FSTL4: variants seen among roughly 807,000 people sequenced by gnomAD.
FSTL4 encodes the protein follistatin-related protein 4.
FSTL4 carries 28 observed loss-of-function variants against 78.2 expected under a neutral mutation model. The observed-to-expected ratio is 0.36, with a 90% CI of 0.27 to 0.49. The LOEUF is 0.49. Among genes scored for constraint, FSTL4 ranks in the 20% least tolerant of loss-of-function variants. The probability of loss-of-function intolerance (pLI) is 0.98; values close to 1 mark genes in which losing one functional copy is unlikely to be tolerated. For synonymous variants in FSTL4, 422 were observed against 440.5 expected, an observed-to-expected ratio of 0.96 and a Z score of 0.53; for missense variants, 922 against 1,084.9, an observed-to-expected ratio of 0.85 and a Z score of 2.11.
chr5:133,350,503 C>A (rs1293137613), intron 4 of FSTL4, among the ~76,000 whole-genome samples: 2 of 152,208 alleles, frequency 1.3e-5, no homozygotes, highest in Non-Finnish European at 2.9e-5. Flanking sequence ...TCTCTTCCTT[C>A]TTAAGGTTTC....
chr5:133,391,668 G>T (rs935705911), intron 4 of FSTL4, among the ~76,000 whole-genome samples: 1 of 152,106 alleles, frequency 6.6e-6, no homozygotes, highest in Non-Finnish European at 1.5e-5. Flanking sequence ...TGGCCCCCTT[G>T]TGAGCCCCCA....
chr5:133,318,973 T>C (rs2126894899), intron 4 of FSTL4, among the ~76,000 whole-genome samples: 1 of 152,334 alleles, frequency 6.6e-6, no homozygotes, highest in Non-Finnish European at 1.5e-5. Context: ...AACCCATTTC[T>C]CAAGTCTGTA....
intron 6 of FSTL4, among the ~76,000 whole-genome samples, chr5:133,290,787 C>T (rs573472276): frequency 6.6e-6 from 1 of 152,348 alleles, no homozygotes; most frequent in East Asian, 1.9e-4. Context: ...AGACAGGGGC[C>T]CATGGCTCCA....
intron 4 of FSTL4, among the ~76,000 whole-genome samples, chr5:133,352,285 CAT>C (rs1197672979): frequency 8.4e-5 from 9 of 107,016 alleles, no homozygotes; most frequent in Admixed American, 8.0e-4. Flanking sequence ...TATATACACA[CAT>C]ATATATACAC....
At chr5:133,567,477 C>A (rs1356805649) in intron 2 of FSTL4, among the ~76,000 whole-genome samples, 2 of 152,216 alleles carry the variant, frequency 1.3e-5, no homozygotes, top group Admixed American at 6.5e-5. Flanking sequence ...ATTCTCAGGG[C>A]CTTCCTTATT....
rs779770295 is a variant in FSTL4, at chr5:133,199,255, C to A, written c.2369G>T (p.Gly790Val). ...PPAGPAQPWG[G>V]THRIMRDSGL... is the part of the protein sequence containing the mutation. ...ACTGTCCCTCATGATTCTGTGGGTA[C>A]CCCCCCAGGGCTGAGCTGGCCCTGC... is the stretch of plus-strand genomic sequence containing the variant. The change falls in exon 16 of 16, where the codon GGT becomes GTT. Residue 790 changes from glycine to valine, a missense_variant. Coordinates refer to ENST00000265342, the MANE Select transcript of FSTL4 (RefSeq NM_015082.2). The surrounding 1 kb of genome is among the most constrained non-coding windows in gnomAD (Gnocchi z 4.4). The A allele has an allele frequency of 1.2e-6, 2 of 1,610,948 alleles. No homozygotes were observed. Among genetic ancestry groups the A allele is most frequent in the Admixed American group, 1.7e-5 (1 of 59,964 alleles).
the FSTL4 span, among the ~76,000 whole-genome samples, chr5:133,738,044 G>A: frequency 8.5e-5 from 13 of 152,072 alleles, no homozygotes; most frequent in Non-Finnish European, 1.5e-4. Flanking sequence ...TAGCTCTTGG[G>A]ACGTGCTTGG....
the FSTL4 span, among the ~76,000 whole-genome samples, chr5:133,774,216 A>G: frequency 4.6e-5 from 7 of 152,214 alleles, no homozygotes; most frequent in Non-Finnish European, 8.8e-5. Context: ...GATACGGCTG[A>G]AGATCAAGCA....
intron 14 of FSTL4, 188 bp downstream of exon 14, chr5:133,210,003 T>C (rs1254657689): frequency 5.8e-6 from 3 of 518,794 alleles, no homozygotes; most frequent in African/African-American, 3.8e-5. Context: ...ATCATCATTA[T>C]TGCTGTCATC....
chr5:133,252,760 A>G (rs1053656669), intron 6 of FSTL4, among the ~76,000 whole-genome samples: 5 of 152,132 alleles, frequency 3.3e-5, no homozygotes, highest in African/African-American at 1.2e-4. Context: ...ATATATTCCA[A>G]GCGGCTCTAG....
chr5:133,806,300 G>C, the FSTL4 span, among the ~76,000 whole-genome samples: 3 of 152,272 alleles, frequency 2.0e-5, no homozygotes, highest in South Asian at 6.2e-4. Flanking sequence ...CACAGTCCTA[G>C]GAAAGCAGAG....
chr5:133,367,486 GT>G (rs1755204407), intron 4 of FSTL4, among the ~76,000 whole-genome samples: 1 of 152,208 alleles, frequency 6.6e-6, no homozygotes, highest in African/African-American at 2.4e-5. Flanking sequence ...AAAGGCCTGC[GT>G]TTTTAATTCC....
At chr5:133,802,957 G>A in the FSTL4 span, among the ~76,000 whole-genome samples, 1 of 152,180 alleles carries the variant, frequency 6.6e-6, no homozygotes, top group Non-Finnish European at 1.5e-5. Flanking sequence ...GCTTTCCACT[G>A]ACTGCCAAGC....
chr5:133,393,090 T>G lies in FSTL4; in HGVS notation c.409+7648A>C, dbSNP rs1349788505. 2.0e-5 allele frequency among the ~76,000 whole-genome samples: 3 copies of G among 152,172 alleles called. No homozygotes were observed. The East Asian group carries it at 5.8e-4, about 29-fold the overall frequency. On this transcript the variant is annotated intron_variant, in intron 4 of 15. Coordinates refer to ENST00000265342, the MANE Select transcript of FSTL4 (RefSeq NM_015082.2). ...TTTTCTTGATCCTGGAAGCAGATACTGTAAATGGGACAACTGAGCTCCCAG... is the reference window on the plus strand; with the variant it reads ...TTTTCTTGATCCTGGAAGCAGATACGGTAAATGGGACAACTGAGCTCCCAG...
At chr5:133,621,646 G>T in the FSTL4 span, among the ~76,000 whole-genome samples, 1 of 152,036 alleles carries the variant, frequency 6.6e-6, no homozygotes, top group Non-Finnish European at 1.5e-5. Flanking sequence ...CAAATATGGT[G>T]CAATGTATAC....
At chr5:133,419,120 TTTTTTATTTTTTA>T (rs1237331679) in intron 3 of FSTL4, among the ~76,000 whole-genome samples, 6 of 152,282 alleles carry the variant, frequency 3.9e-5, no homozygotes, top group African/African-American at 1.4e-4. Flanking sequence ...GTTCATTCCT[TTTTTTATTTTTTA>T]TTTTTATTTT....
At chr5:133,371,328 G>A (rs1207883134) in intron 4 of FSTL4, among the ~76,000 whole-genome samples, 1 of 152,242 alleles carries the variant, frequency 6.6e-6, no homozygotes, top group Non-Finnish European at 1.5e-5. Context: ...CACCGCAAGA[G>A]GCATTCCTGA....
At chr5:133,592,476 T>C (rs1760653414) in intron 2 of FSTL4, among the ~76,000 whole-genome samples, 1 of 152,226 alleles carries the variant, frequency 6.6e-6, no homozygotes, top group African/African-American at 2.4e-5. Flanking sequence ...GATAATTTTG[T>C]TCTAGTCAGC....
At chr5:133,754,539 A>G in the FSTL4 span, among the ~76,000 whole-genome samples, 4 of 152,238 alleles carry the variant, frequency 2.6e-5, no homozygotes, top group Non-Finnish European at 4.4e-5. Context: ...ACAGAATTAA[A>G]TTCTTTGAAA....
Sources: gnomAD v4.1 joint callset for allele counts (sites outside exome capture counted in the v4.1 genomes callset) on GRCh38, gnomAD v4.1.1 for gene constraint, Gnocchi (gnomAD v3.1) non-coding constraint, MANE v1.5 for transcripts, NCBI Gene and HGNC (gene_info 2026-07-23, HGNC 2026-07-21) for gene names.